Variants in LIMD2 observed in about 807,000 individuals in gnomAD.
LIMD2 encodes the protein LIM domain-containing protein 2.
A neutral mutation model predicts 16.0 loss-of-function variants in LIMD2; 11 were observed. The observed-to-expected ratio is 0.69, with a 90% confidence interval of 0.43 to 1.14. The LOEUF is 1.14. LIMD2 is among the 50% of genes most tolerant of loss of function. The pLI is 0.00. For synonymous variants in LIMD2, 60 were observed against 67.1 expected (o/e 0.89, Z 0.52); for missense variants, 168 against 165.8 (o/e 1.01, Z -0.07).
rs2035707229 is a variant in LIMD2, at chr17:63,697,314, C to A, written c.*1238G>T. 6.6e-6 allele frequency: 1 copy of A among 152,318 alleles called. No individual in the cohort carries two copies. Among genetic ancestry groups the A allele is most frequent in the Non-Finnish European group, 1.5e-5 (1 of 68,120 alleles). The allele number at this position is 152,318 out of a possible 1,614,324, so 9.4% of individuals were successfully genotyped here. On this transcript the variant is annotated 3_prime_UTR_variant, in exon 5 of 5. Coordinates refer to ENST00000259006, the MANE Select transcript of LIMD2 (RefSeq NM_030576.4). ...ATGAGGGGGGACAATCCAGGGGTCACTAAAACCTTGGGCAGCACTTGCTGG... is the reference window on the plus strand; with the variant it reads ...ATGAGGGGGGACAATCCAGGGGTCAATAAAACCTTGGGCAGCACTTGCTGG...
In LIMD2 at chr17:63,700,099, C is replaced by A. The variant is rs1360831556; in HGVS notation, c.-118G>T. The A allele has an allele frequency of 3.6e-5, 35 of 984,726 alleles. No homozygotes were observed. In the East Asian group the frequency reaches 3.0e-3, roughly 84 times the overall value. The allele number at this position is 984,726 out of a possible 1,614,324, so 61.0% of individuals were successfully genotyped here. ...CGCACGGGTACGAGGAGGGCGCGGGCGCGAGCTGCTGCCGCTACCAGTGGT... is the reference window on the plus strand; with the variant it reads ...CGCACGGGTACGAGGAGGGCGCGGGAGCGAGCTGCTGCCGCTACCAGTGGT... On this transcript the variant is annotated 5_prime_UTR_variant, in exon 1 of 5. Transcript: ENST00000259006. The surrounding 1 kb of genome is among the most constrained non-coding windows in gnomAD (Gnocchi z 7.1).
At position 63,698,164 on chromosome 17, in the gene LIMD2, G is replaced by C. The variant is rs895988800; in HGVS notation, c.*388C>G. 9.1e-5 allele frequency: 21 copies of C among 231,016 alleles called. No individual in the cohort carries two copies. Among genetic ancestry groups the C allele is most frequent in the Non-Finnish European group, 1.7e-4 (19 of 114,840 alleles). The allele number at this position is 231,016 out of a possible 1,614,324, so 14.3% of individuals were successfully genotyped here. A position where few individuals can be genotyped will look rare whatever the true frequency, so the allele number is the denominator to read the frequency against. The stretch of plus-strand genomic sequence containing the variant: ...AGGGTAGAGGTAGATGGGGAGACGT[G>C]GGGGCCACACAGTCTCCGGTGGCAG... On this transcript the variant is annotated 3_prime_UTR_variant, in exon 5 of 5. Coordinates refer to ENST00000259006, the MANE Select transcript of LIMD2 (RefSeq NM_030576.4).
At chr17:63,700,539 G>T (rs2035769883), upstream of LIMD2, 1 of 152,070 alleles carries the variant, frequency 6.6e-6, no homozygotes, top group African/African-American at 2.4e-5. The surrounding 1 kb of genome is among the most constrained non-coding windows in gnomAD (Gnocchi z 7.1). Context: ...GGGATAACCG[G>T]GCGGGGCCTG....
Position 63,696,285 on chromosome 17 carries a change from C to A in LIMD2, c.*2267G>T, listed in dbSNP as rs2035691534. ...CCAGGCCAGTGTTGCGCATTACTTA[C>A]AATAAAAGGGATCATTTATATCAGA... On this transcript the variant is annotated 3_prime_UTR_variant, in exon 5 of 5. Transcript: ENST00000259006. 1 of 152,604 alleles carries A rather than the reference C, an allele frequency of 6.6e-6. No individual in the cohort carries two copies. The highest frequency in any genetic ancestry group is 6.5e-5 in the Admixed American group (1 of 15,268). 9.5% of individuals were successfully genotyped at this position (152,604 alleles called of 1,614,324 possible).
At position 63,698,462 on chromosome 17, in the gene LIMD2, G is replaced by GC. The variant is rs1337583739; in HGVS notation, c.*89dup. 22 of 1,440,946 alleles carry GC rather than the reference G, an allele frequency of 1.5e-5. No homozygotes were observed. The highest frequency in any genetic ancestry group is 1.9e-5 in the Non-Finnish European group (20 of 1,067,444). The allele number at this position is 1,440,946 out of a possible 1,614,324, so 89.3% of individuals were successfully genotyped here. ...GCAAGCCTCATCCCCTTCCCACCTG[G>GC]CCCCCACGCAAGCCCAGCTCGACCT... On this transcript the variant is annotated 3_prime_UTR_variant, in exon 5 of 5. Transcript: ENST00000259006.
At position 63,696,880 on chromosome 17, in the gene LIMD2, C is replaced by T. The variant is rs574911719; in HGVS notation, c.*1672G>A. ...CTCTGCTGAGTATTCGCTCTGCTCC[C>T]TCGAGGAGCAGTGCCTGCCTCAGCA... On this transcript the variant is annotated 3_prime_UTR_variant, in exon 5 of 5. Coordinates refer to ENST00000259006, the MANE Select transcript of LIMD2 (RefSeq NM_030576.4). 1 of 152,416 alleles carries T rather than the reference C, an allele frequency of 6.6e-6. No homozygotes were observed. Among genetic ancestry groups the T allele is most frequent in the Non-Finnish European group, 1.5e-5 (1 of 68,094 alleles). 9.4% of individuals were successfully genotyped at this position (152,416 alleles called of 1,614,324 possible). A position where few individuals can be genotyped will look rare whatever the true frequency, so the allele number is the denominator to read the frequency against.
intron 2 of LIMD2, 67 bp downstream of exon 2, chr17:63,699,190 T>A: frequency 6.3e-7 from 1 of 1,597,420 alleles, no homozygotes; most frequent in Non-Finnish European, 8.5e-7. Context: ...CAAACTCTGA[T>A]GCCTCTCCCC....
At position 63,698,461 on chromosome 17, in the gene LIMD2, G is replaced by C. The variant is rs1332907120; in HGVS notation, c.*91C>G. 1.4e-6 allele frequency: 2 copies of C among 1,436,226 alleles called. No homozygotes were observed. Among genetic ancestry groups the C allele is most frequent in the African/African-American group, 1.4e-5 (1 of 70,884 alleles). The allele number at this position is 1,436,226 out of a possible 1,614,324, so 89.0% of individuals were successfully genotyped here. On this transcript the variant is annotated 3_prime_UTR_variant, in exon 5 of 5. Transcript: ENST00000259006. ...AGCAAGCCTCATCCCCTTCCCACCTGGCCCCCACGCAAGCCCAGCTCGACC... is the reference window on the plus strand; with the variant it reads ...AGCAAGCCTCATCCCCTTCCCACCTCGCCCCCACGCAAGCCCAGCTCGACC...
rs1020705520 is a variant in LIMD2 at position 63,698,907 on chromosome 17, G to T, written c.116C>A (p.Thr39Asn). Reference sequence around the variant, plus strand: ...CACGGTCTTCTGGCAGGCGGCGCAGGTCTCCTTCACCTGGGCCCGCAGGCT... The same window carrying T: ...CACGGTCTTCTGGCAGGCGGCGCAGTTCTCCTTCACCTGGGCCCGCAGGCT... ...SFSLRAQVKE[T>N]CAACQKTVYP... The change falls in exon 4 of 5, where the codon ACC (threonine) becomes AAC (asparagine). Residue 39 changes from threonine (T) to asparagine (N), a missense_variant. Transcript: ENST00000259006. 1 of 1,612,686 alleles carries T rather than the reference G, an allele frequency of 6.2e-7. No homozygotes were observed. The highest frequency in any genetic ancestry group is 1.3e-5 in the African/African-American group (1 of 74,924).
chr17:63,700,070 G>GGGGCGCACGGGTACGAGGA lies in LIMD2; in HGVS notation c.-108_-90dup. On this transcript the variant is annotated 5_prime_UTR_variant, in exon 1 of 5. Coordinates refer to ENST00000259006, the MANE Select transcript of LIMD2 (RefSeq NM_030576.4). The surrounding 1 kb of genome is among the most constrained non-coding windows in gnomAD (Gnocchi z 7.1). ...GGCCGCGGGGCGGGATCGGTCTCCGGGGGCGCACGGGTACGAGGAGGGCGC... is the reference window on the plus strand; with the variant it reads ...GGCCGCGGGGCGGGATCGGTCTCCGGGGGCGCACGGGTACGAGGAGGGCGCACGGGTACGAGGAGGGCGC... 2 of 984,598 alleles carry GGGGCGCACGGGTACGAGGA rather than the reference G, an allele frequency of 2.0e-6. No individual in the cohort carries two copies. Among genetic ancestry groups the GGGGCGCACGGGTACGAGGA allele is most frequent in the Non-Finnish European group, 2.4e-6 (2 of 829,328 alleles). 61.0% of individuals were successfully genotyped at this position (984,598 alleles called of 1,614,324 possible).
rs113163463 is a variant in LIMD2 at position 63,699,172 on chromosome 17, G to C, written c.42+85C>G. 3 of 1,588,602 alleles carry C rather than the reference G, an allele frequency of 1.9e-6. No homozygotes were observed. In the South Asian group the frequency reaches 3.4e-5, roughly 18 times the overall value. ...CAGGGGCGCGCCGCAGGGCACAAAG[G>C]GGGCCGGCAAACTCTGATGCCTCTC... On this transcript the variant is annotated intron_variant, in intron 2 of 4. Coordinates refer to ENST00000259006, the MANE Select transcript of LIMD2 (RefSeq NM_030576.4).
upstream of LIMD2, chr17:63,700,234 G>A (rs1255024030): frequency 3.5e-6 from 3 of 861,622 alleles, no homozygotes. This position sits in a 1 kb window ranked among gnomAD's most constrained non-coding sequence, Gnocchi z 7.1. Context: ...TCGGGGCCCC[G>A]GCGCCGCCGC....
chr17:63,698,632 A>T lies in LIMD2; in HGVS notation c.304T>A (p.Tyr102Asn), dbSNP rs1364950392. The T allele has an allele frequency of 1.2e-6, 2 of 1,613,776 alleles. No homozygotes were observed. Among genetic ancestry groups the T allele is most frequent in the Admixed American group, 1.7e-5 (1 of 60,004 alleles). The change falls in exon 5 of 5, where the codon TAC (tyrosine) becomes AAC (asparagine). Residue 102 changes from tyrosine (Y) to asparagine (N), a missense_variant. Tyr to Asn is a moderately radical substitution (Grantham distance 143). Coordinates refer to ENST00000259006, the MANE Select transcript of LIMD2 (RefSeq NM_030576.4). ...FQQLFKSKGNYDEGFGRKQHK... is the reference protein window; with the variant it reads ...FQQLFKSKGNNDEGFGRKQHK... ...TGCTTGCGGCCAAACCCCTCGTCGT[A>T]GTTGCCTTTGCTCTTAAACAGCTGC... is the stretch of plus-strand genomic sequence containing the variant.
In LIMD2 at chr17:63,697,726, G is replaced by A. The variant is rs1454948678; in HGVS notation, c.*826C>T. ...TGCCCCCATCAGGGCCGAGGTAGTCGGGGCTGGCCCTGTCCCCCCATGCCC... is the reference window on the plus strand; with the variant it reads ...TGCCCCCATCAGGGCCGAGGTAGTCAGGGCTGGCCCTGTCCCCCCATGCCC... On this transcript the variant is annotated 3_prime_UTR_variant, in exon 5 of 5. Coordinates refer to ENST00000259006, the MANE Select transcript of LIMD2 (RefSeq NM_030576.4). 3.3e-5 allele frequency: 5 copies of A among 152,372 alleles called. No individual in the cohort carries two copies. Among genetic ancestry groups the A allele is most frequent in the South Asian group, 2.1e-4 (1 of 4,824 alleles). The allele number at this position is 152,372 out of a possible 1,614,324, so 9.4% of individuals were successfully genotyped here. A position where few individuals can be genotyped will look rare whatever the true frequency, so the allele number is the denominator to read the frequency against.
upstream of LIMD2, chr17:63,700,779 G>T (rs2035773635): frequency 6.6e-6 from 1 of 151,320 alleles, no homozygotes; most frequent in African/African-American, 2.4e-5. The surrounding 1 kb of genome is among the most constrained non-coding windows in gnomAD (Gnocchi z 7.1). Flanking sequence ...GCCCGGCCGC[G>T]AGGCTGCGGG....
At chr17:63,699,564 CAA>C (rs1277569985) in intron 1 of LIMD2, 2 of 468,486 alleles carry the variant, frequency 4.3e-6, no homozygotes, top group Admixed American at 8.1e-5. Context: ...CTCGGAAGAA[CAA>C]AGTTAGCGGG....
In LIMD2 at chr17:63,699,852, A is replaced by G. The variant is rs1346717458; in HGVS notation, c.-51+180T>C. ...AGACCCCGACGCCGCGAGCCCCGCC[A>G]GCGGGTCTCGGCTCCGCCCAGCCGG... On this transcript the variant is annotated intron_variant, in intron 1 of 4. Coordinates refer to ENST00000259006, the MANE Select transcript of LIMD2 (RefSeq NM_030576.4). The G allele has an allele frequency of 3.1e-6, 3 of 971,644 alleles. No individual in the cohort carries two copies. The African/African-American group carries it at 5.6e-5, about 18-fold the overall frequency. 60.2% of individuals were successfully genotyped at this position (971,644 alleles called of 1,614,324 possible).
At position 63,699,313 on chromosome 17, in the gene LIMD2, G is replaced by A; in HGVS notation, c.-15C>T. ...GCCTGGAACATGGCTCGTTGGAGGTGGAAGCCTCGGGTGGAGAAGCGGCAC... is the reference window on the plus strand; with the variant it reads ...GCCTGGAACATGGCTCGTTGGAGGTAGAAGCCTCGGGTGGAGAAGCGGCAC... On this transcript the variant is annotated 5_prime_UTR_variant, in exon 2 of 5. Transcript: ENST00000259006. The A allele has an allele frequency of 6.2e-7, 1 of 1,601,290 alleles. No homozygotes were observed. Among genetic ancestry groups the A allele is most frequent in the East Asian group, 2.2e-5 (1 of 44,608 alleles).
rs1488112886 is a variant in LIMD2 at position 63,698,621 on chromosome 17, C to A, written c.315G>T (p.Gly105=). ...LFKSKGNYDE[G]FGRKQHKELW... is the part of the protein sequence containing the mutation. ...GCTCCTTGTGCTGCTTGCGGCCAAA[C>A]CCCTCGTCGTAGTTGCCTTTGCTCT... Residue 105 remains glycine, a synonymous_variant, in exon 5 of 5, where the codon GGG becomes GGT. Transcript: ENST00000259006. The A allele has an allele frequency of 6.2e-7, 1 of 1,613,940 alleles. No homozygotes were observed. Among genetic ancestry groups the A allele is most frequent in the Non-Finnish European group, 8.5e-7 (1 of 1,180,034 alleles).
Sources: gnomAD v4.1 joint callset for allele counts on GRCh38, gnomAD v4.1.1 for gene constraint, Gnocchi (gnomAD v3.1) non-coding constraint, MANE v1.5 for transcripts, NCBI Gene and HGNC (gene_info 2026-07-23, HGNC 2026-07-21) for gene names.